Variants in SERPINE2 observed in about 807,000 individuals in gnomAD.
SERPINE2 encodes the protein serpin family E member 2.
Under a neutral mutation model 36.3 loss-of-function variants are expected in SERPINE2, and 14 were observed. The ratio of observed to expected loss-of-function variants is 0.39; its 90% confidence interval spans 0.25 to 0.60. The LOEUF (loss-of-function observed/expected upper bound fraction) is 0.60. Among genes scored for constraint, SERPINE2 ranks in the 20% least tolerant of loss-of-function variants. The probability of loss-of-function intolerance (pLI) is 0.57; values close to 1 mark genes in which losing one functional copy is unlikely to be tolerated. For synonymous variants in SERPINE2, 192 were observed against 191.8 expected (o/e 1.00, Z -0.01); for missense variants, 418 against 499.6 (o/e 0.84, Z 1.56).
intron 1 of SERPINE2, among the ~76,000 whole-genome samples, chr2:224,028,633 T>G (rs1242470178): frequency 1.3e-5 from 2 of 152,140 alleles, no homozygotes; most frequent in Non-Finnish European, 2.9e-5. Context: ...CTGAATCTCA[T>G]TTTTCTCACC....
chr2:224,009,741 T>C (rs1691559809), intron 1 of SERPINE2, among the ~76,000 whole-genome samples: 1 of 152,010 alleles, frequency 6.6e-6, no homozygotes, highest in Non-Finnish European at 1.5e-5. Context: ...GGTTTGTGGC[T>C]GCCAAACTGA....
At chr2:223,987,429 G>A (rs928139411) in intron 4 of SERPINE2, among the ~76,000 whole-genome samples, 4 of 152,142 alleles carry the variant, frequency 2.6e-5, no homozygotes, top group African/African-American at 9.7e-5. Context: ...CCTTGTGTCA[G>A]AGCATGGAGC....
chr2:224,031,765 C>CG (rs1344235256), intron 1 of SERPINE2, among the ~76,000 whole-genome samples: 1 of 149,272 alleles, frequency 6.7e-6, no homozygotes, highest in Admixed American at 6.7e-5. Context: ...CCCCACCCCC[C>CG]CCGCCGGCTG....
chr2:223,984,650 T>C, intron 5 of SERPINE2, 102 bp downstream of exon 5: 1 of 1,083,900 alleles, frequency 9.2e-7, no homozygotes, highest in Non-Finnish European at 1.3e-6. Flanking sequence ...AGAACAGGCT[T>C]CATGATGTGC....
chr2:224,017,276 T>G (rs948758765), intron 1 of SERPINE2, among the ~76,000 whole-genome samples: 1 of 152,268 alleles, frequency 6.6e-6, no homozygotes, highest in African/African-American at 2.4e-5. Context: ...CTTTTTTTTT[T>G]TTACGACTGC....
Position 224,005,065 on chromosome 2 carries a change from T to TATATATATA in SERPINE2, c.-22-3144_-22-3143insTATATATAT, listed in dbSNP as rs1553547020. Reference sequence around the variant, plus strand: ...ATATATTTTATATATTTTATATATATTATATATATATATATATATATATAT... The same window carrying TATATATATA: ...ATATATTTTATATATTTTATATATATATATATATATATATATATATATATATATATATAT... On this transcript the variant is annotated intron_variant, in intron 1 of 8. Coordinates refer to ENST00000409304, the MANE Select transcript of SERPINE2 (RefSeq NM_001136528.2). Among the ~76,000 whole-genome samples, 291 of 33,356 alleles carry TATATATATA rather than the reference T, an allele frequency of 8.7e-3. 4 individuals are homozygous for TATATATATA. Among genetic ancestry groups the TATATATATA allele is most frequent in the Non-Finnish European group, 0.013 (206 of 15,416 alleles). The allele number at this position is 33,356 out of a possible 152,430, so 21.9% of individuals were successfully genotyped here. A position where few individuals can be genotyped will look rare whatever the true frequency, so the allele number is the denominator to read the frequency against.
chr2:224,018,405 T>C (rs1301213592), intron 1 of SERPINE2, among the ~76,000 whole-genome samples: 1 of 152,138 alleles, frequency 6.6e-6, no homozygotes, highest in African/African-American at 2.4e-5. Context: ...CCAACTCTCA[T>C]CACAGTTTTG....
At chr2:224,000,392 G>A (rs1163393322) in intron 2 of SERPINE2, among the ~76,000 whole-genome samples, 1 of 152,190 alleles carries the variant, frequency 6.6e-6, no homozygotes, top group East Asian at 1.9e-4. Context: ...CAGTGCCAGA[G>A]GATGAAGCTC....
intron 4 of SERPINE2, among the ~76,000 whole-genome samples, chr2:223,991,414 G>C (rs1690667309): frequency 6.6e-6 from 1 of 152,146 alleles, no homozygotes; most frequent in Non-Finnish European, 1.5e-5. Context: ...TTGCTGATCT[G>C]CTAAGTAAAA....
chr2:224,010,281 T>G (rs1307034347), intron 1 of SERPINE2: 5 of 879,006 alleles, frequency 5.7e-6, no homozygotes, highest in Non-Finnish European at 6.8e-6. Context: ...TCAAAGTGTA[T>G]GCTCATTCTA....
chr2:223,994,289 T>G (rs932990326), intron 3 of SERPINE2, among the ~76,000 whole-genome samples: 3 of 152,228 alleles, frequency 2.0e-5, no homozygotes, highest in Non-Finnish European at 2.9e-5. Flanking sequence ...CAGTGCTCAA[T>G]AACTGTCTGT....
Position 223,982,817 on chromosome 2 carries a change from G to A in SERPINE2, c.885-36C>T, listed in dbSNP as rs374340860. The stretch of plus-strand genomic sequence containing the variant: ...AGCAGAAATGGAGAAAAAAAATCAC[G>A]AGGCTATAAATGCTACATGATAGAG... On this transcript the variant is annotated intron_variant, in intron 5 of 8. Transcript: ENST00000409304. The A allele has an allele frequency of 1.6e-5, 24 of 1,503,284 alleles. No homozygotes were observed. The East Asian group carries it at 3.4e-4, about 21-fold the overall frequency. 93.1% of individuals were successfully genotyped at this position (1,503,284 alleles called of 1,614,324 possible). A position where few individuals can be genotyped will look rare whatever the true frequency, so the allele number is the denominator to read the frequency against.
In SERPINE2 at chr2:223,991,810, G is replaced by C. The variant is rs761195431; in HGVS notation, c.678C>G (p.Phe226Leu). The stretch of plus-strand genomic sequence containing the variant: ...CGCTGAGCATGAACTCACCACACCG[G>C]AACACGGAGAGCTGGGCCAGCATTG... ...QVPMLAQLSVFRCGSTSAPND... is the reference protein window; with the variant it reads ...QVPMLAQLSVLRCGSTSAPND... The change falls in exon 4 of 9, where the codon TTC becomes TTG. Residue 226 changes from phenylalanine to leucine, a missense_variant. By Grantham distance (22) the Phe-to-Leu change is conservative. Transcript: ENST00000409304. 3.7e-6 allele frequency: 6 copies of C among 1,613,790 alleles called. No individual in the cohort carries two copies. The highest frequency in any genetic ancestry group is 4.5e-5 in the East Asian group (2 of 44,886).
At chr2:224,012,395 T>G (rs1377547270) in intron 1 of SERPINE2, among the ~76,000 whole-genome samples, 1 of 152,104 alleles carries the variant, frequency 6.6e-6, no homozygotes, top group Admixed American at 6.6e-5. Flanking sequence ...TCTGGATATA[T>G]CTTAACTGGA....
In SERPINE2 at chr2:223,998,213, T is replaced by G. The variant is rs773065520; in HGVS notation, c.389A>C (p.Asn130Thr). Residue 130 changes from asparagine (N) to threonine (T), a missense_variant, in exon 3 of 9, where the codon AAC (asparagine) becomes ACC (threonine). Physicochemically the swap from Asn to Thr is moderately conservative, Grantham distance 65. Coordinates refer to ENST00000409304, the MANE Select transcript of SERPINE2 (RefSeq NM_001136528.2). ...SEIEVPFVTRNKDVFQCEVRN... is the reference protein window; with the variant it reads ...SEIEVPFVTRTKDVFQCEVRN... ...GACCTCACACTGGAACACATCTTTG[T>G]TCCTTGTAACAAAAGGCACTTCAAT... 6.8e-6 allele frequency: 11 copies of G among 1,614,242 alleles called. No homozygotes were observed. The highest frequency in any genetic ancestry group is 9.3e-6 in the Non-Finnish European group (11 of 1,180,034).
intron 1 of SERPINE2, among the ~76,000 whole-genome samples, chr2:224,014,409 G>A (rs542722419): frequency 1.3e-5 from 2 of 152,136 alleles, no homozygotes; most frequent in Non-Finnish European, 2.9e-5. Flanking sequence ...AAAATTCCAG[G>A]GAGAACCACT....
At chr2:223,976,593 G>A (rs371033698) in intron 8 of SERPINE2, among the ~76,000 whole-genome samples, 5 of 152,324 alleles carry the variant, frequency 3.3e-5, no homozygotes, top group African/African-American at 1.2e-4. Flanking sequence ...TCATATTACT[G>A]ATTAAATAAA....
At chr2:224,000,837 C>T (rs1388579411) in intron 2 of SERPINE2, among the ~76,000 whole-genome samples, 1 of 152,162 alleles carries the variant, frequency 6.6e-6, no homozygotes, top group Non-Finnish European at 1.5e-5. Flanking sequence ...CCAGCTTCAT[C>T]CATGTCCCTG....
intron 5 of SERPINE2, among the ~76,000 whole-genome samples, chr2:223,984,428 C>T (rs111247499): frequency 1.3e-5 from 2 of 152,200 alleles, no homozygotes; most frequent in Non-Finnish European, 2.9e-5. Flanking sequence ...TGATGACACA[C>T]GTGTGTTTTC....
Sources: gnomAD v4.1 joint callset for allele counts (sites outside exome capture counted in the v4.1 genomes callset) on GRCh38, gnomAD v4.1.1 for gene constraint, MANE v1.5 for transcripts, NCBI Gene and HGNC (gene_info 2026-07-23, HGNC 2026-07-21) for gene names.